The following PLEKHA4 variants were observed in gnomAD, a reference collection of about 807,000 sequenced individuals.
PLEKHA4 encodes the protein pleckstrin homology domain-containing family A member 4.
In PLEKHA4, 73 loss-of-function variants were observed where a neutral mutation model predicts 94.7. The ratio of observed to expected loss-of-function variants is 0.77; its 90% confidence interval spans 0.64 to 0.94. The LOEUF (loss-of-function observed/expected upper bound fraction) is 0.94. PLEKHA4 is among the 40% of genes least tolerant of loss of function. The pLI, the probability that PLEKHA4 is intolerant of heterozygous loss-of-function variation, is 0.00. For missense variants in PLEKHA4, 1,049 were observed against 1,054.1 expected, an observed-to-expected ratio of 1.00 and a Z score of 0.07; for synonymous variants, 449 against 437.1, an observed-to-expected ratio of 1.03 and a Z score of -0.34.
rs780845539 is a variant in PLEKHA4, at chr19:48,865,618, G to C, written c.85-8C>G. ...TACTGCCCGGGTGGGCTTCTGAGGA[G>C]AGAAGGGGACAGAAGTGAACAGGGA... On this transcript the variant is annotated splice_region_variant and splice_polypyrimidine_tract_variant and intron_variant, in intron 2 of 19. Coordinates refer to ENST00000263265, the MANE Select transcript of PLEKHA4 (RefSeq NM_020904.3). 5.6e-6 allele frequency: 9 copies of C among 1,593,984 alleles called. No homozygotes were observed. The highest frequency in any genetic ancestry group is 5.0e-5 in the Admixed American group (3 of 59,882).
Position 48,841,244 on chromosome 19 carries a change from A to G in PLEKHA4, c.1810T>C (p.Cys604Arg). ...QLERMRRNQE[C>R]GRPFPRPTSP... ...GTCGGGCGAGGGAAGGGCCGTCCAC[A>G]TTCCTGGTTTCTGCGCATCCGCTCC... The change falls in exon 17 of 20, where the codon TGT becomes CGT. Residue 604 changes from cysteine to arginine, a missense_variant. Transcript: ENST00000263265. The G allele has an allele frequency of 1.9e-6, 3 of 1,613,642 alleles. No individual in the cohort carries two copies. The South Asian group carries it at 3.3e-5, about 18-fold the overall frequency.
At chr19:48,839,289 C>CTCCT in intron 17 of PLEKHA4, 26 bp from the exon 18 acceptor site, 1 of 1,513,980 alleles carries the variant, frequency 6.6e-7, no homozygotes, top group South Asian at 1.3e-5. Context: ...GGCATTAGAA[C>CTCCT]TCCTCACCTG....
At chr19:48,842,884 G>C (rs1164496583) in intron 16 of PLEKHA4, among the ~76,000 whole-genome samples, 1 of 152,168 alleles carries the variant, frequency 6.6e-6, no homozygotes, top group African/African-American at 2.4e-5. Context: ...GTGTGCTACT[G>C]CCATCTGGTG....
intron 10 of PLEKHA4, 25 bp downstream of exon 10, chr19:48,854,192 A>C (rs758526880): frequency 6.2e-7 from 1 of 1,613,656 alleles, no homozygotes. Flanking sequence ...GGAACTCAGC[A>C]AGGATTAGAT....
chr19:48,843,220 C>T (rs753697041), intron 16 of PLEKHA4, among the ~76,000 whole-genome samples: 8 of 151,830 alleles, frequency 5.3e-5, no homozygotes, highest in Non-Finnish European at 1.0e-4. Flanking sequence ...CTCTTATTGC[C>T]CAGGCTGGAG....
intron 8 of PLEKHA4, among the ~76,000 whole-genome samples, 180 bp from the exon 9 acceptor site, chr19:48,857,676 C>T (rs1004231496): frequency 1.3e-5 from 2 of 151,158 alleles, no homozygotes; most frequent in African/African-American, 4.9e-5. Flanking sequence ...GGATTAAGGG[C>T]AGTGCAAGAT....
At position 48,862,568 on chromosome 19, in the gene PLEKHA4, G is replaced by A. The variant is rs146477222; in HGVS notation, c.193-876C>T. ...CTGTTGCCCAGGCTGGAGTGCAGTG[G>A]CACGATCTCAGCTCACTGCAAGCTC... On this transcript the variant is annotated intron_variant, in intron 3 of 19. Coordinates refer to ENST00000263265, the MANE Select transcript of PLEKHA4 (RefSeq NM_020904.3). Among the ~76,000 whole-genome samples the A allele has an allele frequency of 9.1e-3, 1,379 of 151,110 alleles. 21 individuals carry two copies. Among genetic ancestry groups the A allele is most frequent in the African/African-American group, 0.031 (1,291 of 41,030 alleles).
chr19:48,844,950 G>A (rs1017318145), intron 16 of PLEKHA4, among the ~76,000 whole-genome samples: 1 of 151,690 alleles, frequency 6.6e-6, no homozygotes, highest in African/African-American at 2.4e-5. Flanking sequence ...GAGTGGCTGG[G>A]ATTACAGGCG....
Position 48,861,443 on chromosome 19 carries a change from T to A in PLEKHA4, c.324A>T (p.Pro108=), listed in dbSNP as rs777020443. The A allele has an allele frequency of 1.9e-6, 3 of 1,614,138 alleles. No homozygotes were observed. In the Admixed American group the frequency reaches 5.0e-5, roughly 27 times the overall value. ...SVLLPSYNIR[P]DGPGAPRGRR... ...GCCCTCGGGGGGCTCCCGGCCCATC[T>A]GGTCTAATATTGTAGCTGGGGAGCA... The change falls in exon 5 of 20, where the codon CCA becomes CCT. Residue 108 remains proline, a synonymous_variant. Coordinates refer to ENST00000263265, the MANE Select transcript of PLEKHA4 (RefSeq NM_020904.3).
chr19:48,861,352 C>T, intron 5 of PLEKHA4, 49 bp downstream of exon 5: 1 of 1,485,212 alleles, frequency 6.7e-7, no homozygotes, highest in South Asian at 1.1e-5. Flanking sequence ...TACCCGCCCT[C>T]ATCTCCAGTT....
In PLEKHA4 at chr19:48,837,741, T is replaced by C. The variant is rs10408888; in HGVS notation, c.2078-190A>G. On this transcript the variant is annotated intron_variant, in intron 19 of 19. Transcript: ENST00000263265. The surrounding 1 kb of genome is among the most constrained non-coding windows in gnomAD (Gnocchi z 4.3). Reference sequence around the variant, plus strand: ...GGCCCCCAGCCCCTCCTCCCTCAGATCCAGGAGTCTGGATACGCCAGTCCA... The same window carrying C: ...GGCCCCCAGCCCCTCCTCCCTCAGACCCAGGAGTCTGGATACGCCAGTCCA... 0.18 allele frequency among the ~76,000 whole-genome samples: 25,840 copies of C among 141,954 alleles called. 2,570 individuals are homozygous for C. Among genetic ancestry groups the C allele is most frequent in the African/African-American group, 0.27 (10,292 of 37,800 alleles). 93.1% of individuals were successfully genotyped at this position (141,954 alleles called of 152,430 possible).
rs144631324 is a variant in PLEKHA4, at chr19:48,847,985, A to G, written c.1481T>C (p.Leu494Pro). 218 of 1,613,496 alleles carry G rather than the reference A, an allele frequency of 1.4e-4. No homozygotes were observed. Among genetic ancestry groups the G allele is most frequent in the Non-Finnish European group, 1.7e-4 (206 of 1,179,830 alleles). ...TGGGGGCGGTTTCTGGGGGCCACCC[A>G]GACCTGCCAGCGTGTCTTCCACCAT... ...LWMVEDTLAGLGGPQKPPPHT... is the reference protein window; with the variant it reads ...LWMVEDTLAGPGGPQKPPPHT... The change falls in exon 14 of 20, where the codon CTG (leucine) becomes CCG (proline). Residue 494 changes from leucine (L) to proline (P), a missense_variant. Leu to Pro is a moderately conservative substitution (Grantham distance 98, BLOSUM62 -3). Coordinates refer to ENST00000263265, the MANE Select transcript of PLEKHA4 (RefSeq NM_020904.3).
intron 2 of PLEKHA4, 113 bp from the exon 3 acceptor site, chr19:48,865,723 G>A: frequency 2.9e-6 from 2 of 679,690 alleles, no homozygotes; most frequent in South Asian, 3.7e-5. Flanking sequence ...TGAGAAATGG[G>A]TCAAGGACCA....
chr19:48,865,940 G>A (rs929125359), intron 2 of PLEKHA4, among the ~76,000 whole-genome samples: 1 of 151,678 alleles, frequency 6.6e-6, no homozygotes, highest in Non-Finnish European at 1.5e-5. Flanking sequence ...CGAGAACCCG[G>A]GAGGAGGAGC....
In PLEKHA4 at chr19:48,841,290, C is replaced by T. The variant is rs1271861222; in HGVS notation, c.1764G>A (p.Arg588=). ...LGTKAPVARP[R]MSAQEQLERM... is the part of the protein sequence containing the mutation. The stretch of plus-strand genomic sequence containing the variant: ...GCTCCAGCTGCTCCTGGGCACTCAT[C>T]CGGGGCCGGGCCACCGGGGCCTAGG... The change falls in exon 17 of 20, where the codon CGG becomes CGA. Residue 588 remains arginine, a synonymous_variant. Coordinates refer to ENST00000263265, the MANE Select transcript of PLEKHA4 (RefSeq NM_020904.3). 3.2e-5 allele frequency: 51 copies of T among 1,611,810 alleles called. No individual in the cohort carries two copies. The highest frequency in any genetic ancestry group is 4.2e-5 in the Non-Finnish European group (50 of 1,179,052).
At chr19:48,856,027 C>G (rs1194213974) in intron 9 of PLEKHA4, among the ~76,000 whole-genome samples, 3 of 151,356 alleles carry the variant, frequency 2.0e-5, no homozygotes, top group Admixed American at 6.6e-5. Flanking sequence ...ACAAAATTAG[C>G]AGGGCGTGGT....
chr19:48,854,067 G>A lies in PLEKHA4; in HGVS notation c.1116C>T (p.Cys372=), dbSNP rs888489350. ...GCCTCCGCAGAAGCCGGTCCTGCCC[G>A]CACAACTTGGTCAGCAGCGTCTGGA... The part of the protein sequence containing the change: ...LETDTLLTKL[C]GQDRLLRRLQ... Residue 372 remains cysteine, a synonymous_variant, in exon 11 of 20, where the codon TGC becomes TGT. Transcript: ENST00000263265. 20 of 1,614,008 alleles carry A rather than the reference G, an allele frequency of 1.2e-5. No individual in the cohort carries two copies. The highest frequency in any genetic ancestry group is 1.2e-4 in the Admixed American group (7 of 59,968).
In PLEKHA4 at chr19:48,867,484, A is replaced by G. The variant is rs1166694412; in HGVS notation, c.84+53T>C. On this transcript the variant is annotated intron_variant, in intron 2 of 19. Coordinates refer to ENST00000263265, the MANE Select transcript of PLEKHA4 (RefSeq NM_020904.3). This position sits in a 1 kb window ranked among gnomAD's most constrained non-coding sequence, Gnocchi z 4.7. ...CCAGAGTCCTTGGGGAAACAGAAGG[A>G]TGGGCGGCCCAGAGCCCCACCTTCC... The G allele has an allele frequency of 3.9e-6, 6 of 1,539,350 alleles. No individual in the cohort carries two copies. The highest frequency in any genetic ancestry group is 4.4e-6 in the Non-Finnish European group (5 of 1,136,538).
In PLEKHA4 at chr19:48,852,276, G is replaced by A; in HGVS notation, c.1377C>T (p.Gly459=). 1 of 1,614,082 alleles carries A rather than the reference G, an allele frequency of 6.2e-7. No homozygotes were observed. The highest frequency in any genetic ancestry group is 8.5e-7 in the Non-Finnish European group (1 of 1,180,028). Residue 459 remains glycine, a synonymous_variant, in exon 13 of 20, where the codon GGC becomes GGT. Coordinates refer to ENST00000263265, the MANE Select transcript of PLEKHA4 (RefSeq NM_020904.3). ...DTYSGLEQEL[G]TLRETLEYLL... is the part of the protein sequence containing the mutation. ...GGTACTCCAGCGTCTCTCTTAAGGTGCCCAGCTCCTGCTCCAGGCCACTGT... is the reference window on the plus strand; with the variant it reads ...GGTACTCCAGCGTCTCTCTTAAGGTACCCAGCTCCTGCTCCAGGCCACTGT...
Sources: gnomAD v4.1 joint callset for allele counts (sites outside exome capture counted in the v4.1 genomes callset) on GRCh38, gnomAD v4.1.1 for gene constraint, Gnocchi (gnomAD v3.1) non-coding constraint, MANE v1.5 for transcripts, NCBI Gene and HGNC (gene_info 2026-07-23, HGNC 2026-07-21) for gene names.